The following TTN variants were observed in gnomAD, a reference collection of about 807,000 sequenced individuals.
The protein encoded by TTN is connectin.
TTN carries 1,525 observed loss-of-function variants against 3,223.0 expected under a neutral mutation model. The observed-to-expected ratio is 0.47, with a 90% CI of 0.45 to 0.49. The LOEUF is 0.49. Among genes scored for constraint, TTN ranks in the 20% least tolerant of loss-of-function variants. The pLI, the probability that TTN is intolerant of heterozygous loss-of-function variation, is 0.00. For synonymous variants in TTN, 14,094 were observed against 15,161.0 expected, an observed-to-expected ratio of 0.93 and a Z score of 5.17; for missense variants, 40,786 against 43,424.0, an observed-to-expected ratio of 0.94 and a Z score of 5.40.
At position 178,554,850 on chromosome 2, in the gene TTN, G is replaced by A; in HGVS notation, c.88594+15C>T. ...GGCAAATGTAATATGACAGTGGTCT[G>A]TATTCAGCACCTACCAAGGATCTGT... On this transcript the variant is annotated intron_variant, in intron 331 of 362. Transcript: ENST00000589042. 3 of 1,613,726 alleles carry A rather than the reference G, an allele frequency of 1.9e-6. No homozygotes were observed. The highest frequency in any genetic ancestry group is 1.1e-5 in the South Asian group (1 of 91,050).
rs1237009791 is a variant in TTN at position 178,725,369 on chromosome 2, T to G, written c.20835A>C (p.Leu6945Phe). 2.6e-6 allele frequency: 4 copies of G among 1,555,696 alleles called. No individual in the cohort carries two copies. The African/African-American group carries it at 5.4e-5, about 21-fold the overall frequency. The change falls in exon 71 of 363, where the codon TTA becomes TTC. Residue 6945 changes from leucine (L) to phenylalanine (F), a missense_variant and splice_region_variant. Physicochemically the swap from Leu to Phe is conservative, Grantham distance 22. Coordinates refer to ENST00000589042, the MANE Select transcript of TTN (RefSeq NM_001267550.2). ...MRENMATLMV[L>F]EPAVIVEKAG... ...TCTATCGTGGGCTATTGTACCAACC[T>G]AAGACCATCAGTGTGGCCATGTTCT...
At chr2:178,734,188 T>C in intron 52 of TTN, 140 bp downstream of exon 52, 1 of 1,047,920 alleles carries the variant, frequency 9.5e-7, no homozygotes, top group South Asian at 2.2e-5. Flanking sequence ...ACTGACTTTG[T>C]TCCCAAGGTC....
chr2:178,620,481 A>C lies in TTN; in HGVS notation c.46040T>G (p.Val15347Gly), dbSNP rs375367475. 55 of 1,612,418 alleles carry C rather than the reference A, an allele frequency of 3.4e-5. No individual in the cohort carries two copies. The African/African-American group carries it at 6.9e-4, about 20-fold the overall frequency. Residue 15347 changes from valine to glycine, a missense_variant, in exon 248 of 363, where the codon GTC becomes GGC. Physicochemically the swap from Val to Gly is moderately radical, Grantham distance 109. Transcript: ENST00000589042. ...CTTGTACTTATCAACTCTGTATGAG[A>C]CACGGTTGTCAAAAGGCACTTCTTC... ...NGEEVPFDNRVSYRVDKYKHM... is the reference protein window; with the variant it reads ...NGEEVPFDNRGSYRVDKYKHM...
In TTN at chr2:178,545,582, A is replaced by G. The variant is rs1696696732; in HGVS notation, c.95528T>C (p.Leu31843Pro). 1 of 1,613,606 alleles carries G rather than the reference A, an allele frequency of 6.2e-7. No homozygotes were observed. Among genetic ancestry groups the G allele is most frequent in the South Asian group, 1.1e-5 (1 of 91,076 alleles). The change falls in exon 344 of 363, where the codon CTA (leucine) becomes CCA (proline). Residue 31843 changes from leucine (L) to proline (P), a missense_variant. By Grantham distance (98) the Leu-to-Pro change is moderately conservative (BLOSUM62 -3). Transcript: ENST00000589042. ...SDGGNEISNY[L>P]VDKREKKSLR... Reference sequence around the variant, plus strand: ...GCTCTTCTTCTCACGTTTGTCTACTAGGTAGTTGCTGATTTCATTGCCACC... The same window carrying G: ...GCTCTTCTTCTCACGTTTGTCTACTGGGTAGTTGCTGATTTCATTGCCACC...
At position 178,717,594 on chromosome 2, in the gene TTN, A is replaced by G. The variant is rs2077682451; in HGVS notation, c.25280T>C (p.Ile8427Thr). The G allele has an allele frequency of 6.2e-7, 1 of 1,613,346 alleles. No individual in the cohort carries two copies. Among genetic ancestry groups the G allele is most frequent in the Non-Finnish European group, 8.5e-7 (1 of 1,179,570 alleles). Residue 8427 changes from isoleucine to threonine, a missense_variant, in exon 87 of 363, where the codon ATA becomes ACA. Transcript: ENST00000589042. The part of the protein sequence containing the change: ...LQILQTDQSH[I>T]GQYNCSASNP... The stretch of plus-strand genomic sequence containing the variant: ...AGAAGCAGAGCAATTATACTGCCCT[A>G]TGTGGCTCTGGTCAGTTTGTAAAAT...
intron 250 of TTN, 46 bp from the exon 251 acceptor site, chr2:178,618,899 G>A (rs753234459): frequency 6.3e-7 from 1 of 1,585,104 alleles, no homozygotes; most frequent in East Asian, 2.3e-5. Context: ...ATTAAACGTA[G>A]CCAAGCTACA....
chr2:178,778,508 T>A (rs1338706557), intron 24 of TTN: 6 of 333,600 alleles, frequency 1.8e-5, no homozygotes, highest in Non-Finnish European at 2.8e-5. Flanking sequence ...GCTGGATGAA[T>A]TAAGACAATT....
chr2:178,749,523 G>C, intron 47 of TTN: 1 of 1,612,832 alleles, frequency 6.2e-7, no homozygotes, highest in Non-Finnish European at 8.5e-7. Flanking sequence ...GGAGTAAAGG[G>C]ACCAGCTGGA....
intron 109 of TTN, 27 bp from the exon 110 acceptor site, chr2:178,701,614 G>A (rs1285410705): frequency 1.2e-6 from 2 of 1,604,676 alleles, no homozygotes; most frequent in Non-Finnish European, 1.7e-6. Flanking sequence ...AATAAGCATA[G>A]AGAGACTGAG....
rs886246785 is a variant in TTN, at chr2:178,729,079, G to T, written c.18959C>A (p.Pro6320His). The part of the protein sequence containing the change: ...TFQSTVAGSP[P>H]ISITWLKDDQ... ...ATCCTTTAGCCAGGTTATAGAAATA[G>T]GAGGAGAACCTGCCACGGTACTCTG... Residue 6320 changes from proline to histidine, a missense_variant, in exon 65 of 363, where the codon CCT becomes CAT. By Grantham distance (77) the Pro-to-His change is moderately conservative. Transcript: ENST00000589042. 5.0e-6 allele frequency: 8 copies of T among 1,612,340 alleles called. No individual in the cohort carries two copies. In the African/African-American group the frequency reaches 1.1e-4, roughly 22 times the overall value.
At position 178,591,823 on chromosome 2, in the gene TTN, T is replaced by C. The variant is rs778293115; in HGVS notation, c.59996A>G (p.Asn19999Ser). The C allele has an allele frequency of 1.9e-6, 3 of 1,613,322 alleles. No individual in the cohort carries two copies. In the South Asian group the frequency reaches 3.3e-5, roughly 18 times the overall value. Residue 19999 changes from asparagine to serine, a missense_variant, in exon 303 of 363, where the codon AAT becomes AGT. Coordinates refer to ENST00000589042, the MANE Select transcript of TTN (RefSeq NM_001267550.2). ...AGAACCACCATCACGATCCGGCTTA[T>C]TCCAGACTAGGGAGACTTCAGTCTT... ...VDKTEVSLVWNKPDRDGGSPI... is the reference protein window; with the variant it reads ...VDKTEVSLVWSKPDRDGGSPI...
rs1297579029 is a variant in TTN, at chr2:178,536,589, A to G, written c.100172-14T>C. The G allele has an allele frequency of 1.3e-6, 2 of 1,485,800 alleles. No individual in the cohort carries two copies. Among genetic ancestry groups the G allele is most frequent in the Non-Finnish European group, 1.8e-6 (2 of 1,125,104 alleles). 92.0% of individuals were successfully genotyped at this position (1,485,800 alleles called of 1,614,324 possible). A position where few individuals can be genotyped will look rare whatever the true frequency, so the allele number is the denominator to read the frequency against. On this transcript the variant is annotated splice_polypyrimidine_tract_variant and intron_variant, in intron 356 of 362. Coordinates refer to ENST00000589042, the MANE Select transcript of TTN (RefSeq NM_001267550.2). Reference sequence around the variant, plus strand: ...CACCTGGCTTTTCTATTAAACAAAAAAAAGATTTGAGTCATGAGATGAAAC... The same window carrying G: ...CACCTGGCTTTTCTATTAAACAAAAGAAAGATTTGAGTCATGAGATGAAAC...
chr2:178,719,149 T>A lies in TTN; in HGVS notation c.24226+15A>T. Reference sequence around the variant, plus strand: ...AGGTGTTAGAGAAGCAGCAGCTTTATCCTTGCACACTGACCTTGCACAGTC... The same window carrying A: ...AGGTGTTAGAGAAGCAGCAGCTTTAACCTTGCACACTGACCTTGCACAGTC... On this transcript the variant is annotated intron_variant, in intron 83 of 362. Transcript: ENST00000589042. 6.2e-7 allele frequency: 1 copy of A among 1,603,604 alleles called. No homozygotes were observed. Among genetic ancestry groups the A allele is most frequent in the African/African-American group, 1.3e-5 (1 of 74,792 alleles).
chr2:178,685,097 T>G lies in TTN; in HGVS notation c.32471-108A>C, dbSNP rs142319077. On this transcript the variant is annotated intron_variant, in intron 129 of 362. Coordinates refer to ENST00000589042, the MANE Select transcript of TTN (RefSeq NM_001267550.2). ...AAAAGATTGCACATATATACAAACG[T>G]TAATGACTATACTCAGTAAATACGT... 561 of 1,160,536 alleles carry G rather than the reference T, an allele frequency of 4.8e-4. 2 individuals carry two copies. The highest frequency in any genetic ancestry group is 6.5e-4 in the Non-Finnish European group (521 of 807,320). The allele number at this position is 1,160,536 out of a possible 1,614,324, so 71.9% of individuals were successfully genotyped here.
At chr2:178,654,563 GA>G in intron 191 of TTN, 29 bp from the exon 192 acceptor site, 1 of 1,403,170 alleles carries the variant, frequency 7.1e-7, no homozygotes, top group Non-Finnish European at 9.6e-7. Context: ...TTTGTGTTTA[GA>G]AAAGGTGAAA....
Position 178,718,432 on chromosome 2 carries a change from G to A in TTN, c.24674C>T (p.Ser8225Phe). Residue 8225 changes from serine to phenylalanine, a missense_variant, in exon 85 of 363, where the codon TCT (serine) becomes TTT (phenylalanine). By Grantham distance (155) the Ser-to-Phe change is radical. Coordinates refer to ENST00000589042, the MANE Select transcript of TTN (RefSeq NM_001267550.2). ...ERCSITMTEK[S>F]TILEILESTI... ...GCTCTCAAGAATTTCCAGTATGGTAGATTTTTCTGTCATAGTAATACTGCA... is the reference window on the plus strand; with the variant it reads ...GCTCTCAAGAATTTCCAGTATGGTAAATTTTTCTGTCATAGTAATACTGCA... 6.2e-7 allele frequency: 1 copy of A among 1,613,766 alleles called. No individual in the cohort carries two copies. The highest frequency in any genetic ancestry group is 8.5e-7 in the Non-Finnish European group (1 of 1,179,746).
At chr2:178,711,704 T>C (rs569535132) in intron 96 of TTN, among the ~76,000 whole-genome samples, 2 of 152,308 alleles carry the variant, frequency 1.3e-5, no homozygotes, top group East Asian at 3.9e-4. Flanking sequence ...TATGGTCACT[T>C]TTTAAAAAAG....
intron 44 of TTN, among the ~76,000 whole-genome samples, chr2:178,758,373 C>T (rs934477636): frequency 1.3e-5 from 2 of 152,048 alleles, no homozygotes; most frequent in South Asian, 2.1e-4. Flanking sequence ...AAAAATAGTA[C>T]CACTATATAA....
Position 178,548,365 on chromosome 2 carries a change from A to G in TTN, c.93261T>C (p.Tyr31087=). ...ACTCATTTACTGCAGAAACACGGAAATAGTACGGAACACCTTCGGCCAGGT... is the reference window on the plus strand; with the variant it reads ...ACTCATTTACTGCAGAAACACGGAAGTAGTACGGAACACCTTCGGCCAGGT... ...VNDLAEGVPY[Y]FRVSAVNEYG... is the part of the protein sequence containing the mutation. Residue 31087 remains tyrosine, a synonymous_variant, in exon 339 of 363, where the codon TAT becomes TAC. Transcript: ENST00000589042. The surrounding 1 kb of genome is among the most constrained non-coding windows in gnomAD (Gnocchi z 4.3). The G allele has an allele frequency of 1.9e-6, 3 of 1,613,890 alleles. No individual in the cohort carries two copies. The highest frequency in any genetic ancestry group is 1.7e-4 in the Middle Eastern group (1 of 6,060).
Sources: gnomAD v4.1 joint callset for allele counts (sites outside exome capture counted in the v4.1 genomes callset) on GRCh38, gnomAD v4.1.1 for gene constraint, Gnocchi (gnomAD v3.1) non-coding constraint, MANE v1.5 for transcripts, NCBI Gene and HGNC (gene_info 2026-07-23, HGNC 2026-07-21) for gene names.